Variants in ROBO1 observed in about 807,000 individuals in gnomAD.
The protein encoded by ROBO1 is roundabout guidance receptor 1.
In ROBO1, 149 loss-of-function variants were observed where a neutral mutation model predicts 195.9. That is an observed-to-expected ratio of 0.76 (90% CI 0.67 to 0.87). ROBO1 has a LOEUF of 0.87. ROBO1 is among the 40% of genes least tolerant of loss of function. The probability of loss-of-function intolerance (pLI) is 0.00; values close to 1 mark genes in which losing one functional copy is unlikely to be tolerated. For synonymous variants in ROBO1, 816 were observed against 733.2 expected (o/e 1.11, Z -1.82); for missense variants, 1,933 against 2,068.3 (o/e 0.93, Z 1.27).
chr3:79,264,572 C>T (rs761138874), intron 2 of ROBO1, among the ~76,000 whole-genome samples: 3 of 151,808 alleles, frequency 2.0e-5, no homozygotes, highest in Non-Finnish European at 2.9e-5. Flanking sequence ...TATACCCATA[C>T]CTATTGTCAT....
At chr3:79,405,721 T>C (rs1045645861) in intron 2 of ROBO1, among the ~76,000 whole-genome samples, 5 of 152,166 alleles carry the variant, frequency 3.3e-5, no homozygotes, top group Non-Finnish European at 5.9e-5. Flanking sequence ...ATCAAACACA[T>C]ATACTATTTT....
chr3:78,947,920 T>G lies in ROBO1; in HGVS notation c.173-8993A>C, dbSNP rs530965258. On this transcript the variant is annotated intron_variant, in intron 3 of 30. Coordinates refer to ENST00000464233, the MANE Select transcript of ROBO1 (RefSeq NM_002941.4). The stretch of plus-strand genomic sequence containing the variant: ...CTCTACACAAATAAACTAGAAAATC[T>G]AGAAGAAATGGATAAATTCCTCAAC... Among the ~76,000 whole-genome samples the G allele has an allele frequency of 2.0e-5, 3 of 152,250 alleles. No individual in the cohort carries two copies. In the South Asian group the frequency reaches 6.2e-4, roughly 32 times the overall value.
intron 2 of ROBO1, among the ~76,000 whole-genome samples, chr3:79,397,620 A>G (rs2037202729): frequency 6.6e-6 from 1 of 152,326 alleles, no homozygotes; most frequent in South Asian, 2.1e-4. Flanking sequence ...TAAGCAGACC[A>G]TCGATCACAC....
intron 1 of ROBO1, among the ~76,000 whole-genome samples, chr3:79,594,762 C>T (rs1438188327): frequency 6.6e-6 from 1 of 151,956 alleles, no homozygotes; most frequent in African/African-American, 2.4e-5. Flanking sequence ...GCTCTGTTTC[C>T]TGATATCTGC....
intron 2 of ROBO1, among the ~76,000 whole-genome samples, chr3:79,296,425 C>G (rs2032603066): frequency 6.6e-6 from 1 of 151,708 alleles, no homozygotes; most frequent in Admixed American, 6.6e-5. Flanking sequence ...GTAGACTCTG[C>G]CATAGAAAGA....
intron 2 of ROBO1, among the ~76,000 whole-genome samples, chr3:79,533,907 G>T (rs1941753592): frequency 6.6e-6 from 1 of 151,898 alleles, no homozygotes; most frequent in Non-Finnish European, 1.5e-5. Context: ...TCCTTACAGG[G>T]CAGAAGAGAA....
chr3:79,015,451 C>G (rs4429592), intron 3 of ROBO1, among the ~76,000 whole-genome samples: 4 of 148,634 alleles, frequency 2.7e-5, no homozygotes, highest in African/African-American at 9.9e-5. Context: ...AAATCTCATC[C>G]TAAGTTTGAA....
intron 4 of ROBO1, among the ~76,000 whole-genome samples, chr3:78,805,493 A>T (rs537852706): frequency 6.6e-6 from 1 of 152,190 alleles, no homozygotes; most frequent in Admixed American, 6.5e-5. Context: ...TACTAAACAA[A>T]TGTATCTTTT....
chr3:79,216,464 G>C (rs1025421735), intron 2 of ROBO1, among the ~76,000 whole-genome samples: 2 of 152,048 alleles, frequency 1.3e-5, no homozygotes, highest in African/African-American at 4.8e-5. Flanking sequence ...AAGGTTTAAA[G>C]TGAAGTTAAG....
At chr3:79,443,881 G>T (rs1230061547) in intron 2 of ROBO1, among the ~76,000 whole-genome samples, 1 of 151,450 alleles carries the variant, frequency 6.6e-6, no homozygotes. Context: ...AAAAAACAAA[G>T]CATATATGGA....
At chr3:79,729,785 A>G (rs1203568743) in intron 1 of ROBO1, among the ~76,000 whole-genome samples, 1 of 152,234 alleles carries the variant, frequency 6.6e-6, no homozygotes, top group Non-Finnish European at 1.5e-5. Context: ...GCTGTCTGCT[A>G]ACTAATTAAA....
chr3:79,515,240 C>T (rs1318865243), intron 2 of ROBO1, among the ~76,000 whole-genome samples: 1 of 152,210 alleles, frequency 6.6e-6, no homozygotes, highest in African/African-American at 2.4e-5. Context: ...TTGAACAATG[C>T]TCACTGTCCT....
At chr3:79,498,406 G>T (rs1939866089) in intron 2 of ROBO1, among the ~76,000 whole-genome samples, 1 of 152,024 alleles carries the variant, frequency 6.6e-6, no homozygotes, top group Admixed American at 6.6e-5. Context: ...ATCATTTGTT[G>T]ATTCTTACTT....
intron 2 of ROBO1, among the ~76,000 whole-genome samples, chr3:79,175,556 T>C (rs561110231): frequency 2.4e-4 from 36 of 152,222 alleles, no homozygotes; most frequent in Non-Finnish European, 4.4e-4. Context: ...CTAGGCCACA[T>C]TGTCCACAAA....
intron 2 of ROBO1, among the ~76,000 whole-genome samples, chr3:79,264,614 G>T (rs558747836): frequency 1.3e-5 from 2 of 151,884 alleles, no homozygotes; most frequent in African/African-American, 4.8e-5. Flanking sequence ...CTAAATATAT[G>T]TTGAAACAAT....
At chr3:78,740,041 A>C (rs1256515885) in intron 5 of ROBO1, among the ~76,000 whole-genome samples, 1 of 152,170 alleles carries the variant, frequency 6.6e-6, no homozygotes, top group Non-Finnish European at 1.5e-5. Context: ...CATTAGCAGA[A>C]TTTTTAGTAT....
intron 8 of ROBO1, among the ~76,000 whole-genome samples, chr3:78,691,798 A>G (rs1447879879): frequency 1.3e-5 from 2 of 152,190 alleles, no homozygotes; most frequent in Admixed American, 6.5e-5. Flanking sequence ...CCTCTTAATT[A>G]ACAATTTTCA....
At chr3:79,299,960 ATACT>A (rs1051993073) in intron 2 of ROBO1, among the ~76,000 whole-genome samples, 3 of 152,374 alleles carry the variant, frequency 2.0e-5, no homozygotes, top group Middle Eastern at 3.4e-3. Context: ...TACCTGTGAA[ATACT>A]TATTTAATAC....
intron 1 of ROBO1, among the ~76,000 whole-genome samples, chr3:79,661,864 A>G (rs1020223905): frequency 2.0e-5 from 3 of 152,044 alleles, no homozygotes; most frequent in Admixed American, 2.0e-4. Flanking sequence ...CAAATACTCC[A>G]GTCAAGAGAC....
Sources: gnomAD v4.1 joint callset for allele counts (sites outside exome capture counted in the v4.1 genomes callset) on GRCh38, gnomAD v4.1.1 for gene constraint, MANE v1.5 for transcripts, NCBI Gene and HGNC (gene_info 2026-07-23, HGNC 2026-07-21) for gene names.